Variants in FANCC observed in about 807,000 individuals in gnomAD.
The protein encoded by FANCC is Fanconi anemia group C protein.
Under a neutral mutation model 71.3 loss-of-function variants are expected in FANCC, and 55 were observed. The ratio of observed to expected loss-of-function variants is 0.77; its 90% confidence interval spans 0.62 to 0.97. The LOEUF (loss-of-function observed/expected upper bound fraction) is 0.97. Ranked by LOEUF, FANCC falls within the 50% of genes least tolerant of loss-of-function variation. The probability of loss-of-function intolerance (pLI) is 0.00; values close to 1 mark genes in which losing one functional copy is unlikely to be tolerated. For synonymous variants in FANCC, 275 were observed against 244.9 expected, an observed-to-expected ratio of 1.12 and a Z score of -1.15; for missense variants, 678 against 670.9, an observed-to-expected ratio of 1.01 and a Z score of -0.12.
intron 1 of FANCC, among the ~76,000 whole-genome samples, chr9:95,297,727 G>A (rs992618318): frequency 2.0e-5 from 3 of 152,188 alleles, no homozygotes; most frequent in Admixed American, 6.5e-5. Context: ...TCTCTTTGTA[G>A]AAATATGTAT....
At chr9:95,132,938 T>C (rs923778635) in intron 8 of FANCC, among the ~76,000 whole-genome samples, 2 of 152,202 alleles carry the variant, frequency 1.3e-5, no homozygotes, top group African/African-American at 2.4e-5. Context: ...GTGCTCTATA[T>C]AAAACACAAG....
chr9:95,295,516 G>C (rs887035323), intron 1 of FANCC, among the ~76,000 whole-genome samples: 1 of 152,122 alleles, frequency 6.6e-6, no homozygotes, highest in Non-Finnish European at 1.5e-5. Context: ...GTAATCATCA[G>C]GGAAATACAC....
At chr9:95,127,971 T>A (rs958386834) in intron 8 of FANCC, among the ~76,000 whole-genome samples, 1 of 152,246 alleles carries the variant, frequency 6.6e-6, no homozygotes, top group African/African-American at 2.4e-5. Context: ...TGCTCCCTCA[T>A]CCTTCACTGA....
At chr9:95,255,910 G>A (rs988380083) in intron 1 of FANCC, among the ~76,000 whole-genome samples, 3 of 151,406 alleles carry the variant, frequency 2.0e-5, no homozygotes, top group South Asian at 2.1e-4. Flanking sequence ...TAGTTGAATC[G>A]ATCAAGCAGA....
chr9:95,250,776 C>T (rs1451860024), intron 1 of FANCC, among the ~76,000 whole-genome samples: 1 of 152,256 alleles, frequency 6.6e-6, no homozygotes, highest in Non-Finnish European at 1.5e-5. Context: ...CAGCCTAGCC[C>T]TGGAGTGTTG....
chr9:95,201,393 C>T (rs1827796116), intron 4 of FANCC, among the ~76,000 whole-genome samples: 1 of 151,932 alleles, frequency 6.6e-6, no homozygotes, highest in Admixed American at 6.6e-5. Flanking sequence ...TGTTCCAAGG[C>T]GTGAAGTTCC....
chr9:95,275,705 G>A (rs1188474373), intron 1 of FANCC, among the ~76,000 whole-genome samples: 1 of 152,136 alleles, frequency 6.6e-6, no homozygotes, highest in Non-Finnish European at 1.5e-5. Context: ...TTGGTGGCAG[G>A]AATAGGAGGA....
chr9:95,101,313 T>C lies in FANCC; in HGVS notation c.*394A>G, dbSNP rs143389232. On this transcript the variant is annotated 3_prime_UTR_variant, in exon 15 of 15. Transcript: ENST00000289081. ...AGAGCTAAGTTCTCTCTAAATTCTT[T>C]AATGGTTCATGACCAAATTCTTGGT... is the stretch of plus-strand genomic sequence containing the variant. The C allele has an allele frequency of 5.9e-6, 2 of 337,840 alleles. No individual in the cohort carries two copies. The highest frequency in any genetic ancestry group is 4.1e-5 in the African/African-American group (2 of 49,322). The allele number at this position is 337,840 out of a possible 1,614,324, so 20.9% of individuals were successfully genotyped here. A position where few individuals can be genotyped will look rare whatever the true frequency, so the allele number is the denominator to read the frequency against.
chr9:95,242,000 A>G (rs942350816), intron 3 of FANCC, among the ~76,000 whole-genome samples: 6 of 152,224 alleles, frequency 3.9e-5, no homozygotes, highest in Non-Finnish European at 8.8e-5. Context: ...CAAAGAAATA[A>G]GAACAATACC....
chr9:95,125,288 A>G, intron 9 of FANCC, 103 bp from the exon 10 acceptor site: 2 of 893,870 alleles, frequency 2.2e-6, no homozygotes. Context: ...TTTTTGTGCC[A>G]TAAGCTTCAG....
At chr9:95,276,931 A>G (rs1211594309) in intron 1 of FANCC, among the ~76,000 whole-genome samples, 1 of 152,220 alleles carries the variant, frequency 6.6e-6, no homozygotes, top group African/African-American at 2.4e-5. Flanking sequence ...GCTCTAGTAC[A>G]TTGAATTTGG....
At chr9:95,230,535 T>C (rs964703986) in intron 4 of FANCC, among the ~76,000 whole-genome samples, 2 of 152,156 alleles carry the variant, frequency 1.3e-5, no homozygotes, top group African/African-American at 4.8e-5. Flanking sequence ...TTCTTAAAGA[T>C]GGTGTGTCCA....
intron 4 of FANCC, among the ~76,000 whole-genome samples, chr9:95,216,099 T>G (rs4647456): frequency 6.6e-6 from 1 of 152,062 alleles, no homozygotes; most frequent in Non-Finnish European, 1.5e-5. Flanking sequence ...ACGCTACCTA[T>G]GAAAAACCCA....
intron 4 of FANCC, among the ~76,000 whole-genome samples, chr9:95,234,752 G>A (rs994637878): frequency 2.0e-5 from 3 of 152,186 alleles, no homozygotes; most frequent in African/African-American, 7.2e-5. Flanking sequence ...ACACAAGAGA[G>A]CAAATGCCCA....
rs1233898055 is a variant in FANCC, at chr9:95,099,217, A to G, written c.*2490T>C. The G allele has an allele frequency of 4.6e-6, 1 of 216,972 alleles. No homozygotes were observed. Among genetic ancestry groups the G allele is most frequent in the Non-Finnish European group, 9.3e-6 (1 of 107,994 alleles). 13.4% of individuals were successfully genotyped at this position (216,972 alleles called of 1,614,324 possible). Reference sequence around the variant, plus strand: ...TGTATTTTTGGCTCTCTCTGAGGGTAGTGGTTTTACCAGCATGCTTTATCA... The same window carrying G: ...TGTATTTTTGGCTCTCTCTGAGGGTGGTGGTTTTACCAGCATGCTTTATCA... On this transcript the variant is annotated 3_prime_UTR_variant, in exon 15 of 15. Coordinates refer to ENST00000289081, the MANE Select transcript of FANCC (RefSeq NM_000136.3).
intron 14 of FANCC, among the ~76,000 whole-genome samples, chr9:95,106,826 G>C (rs757089285): frequency 4.6e-5 from 7 of 152,286 alleles, no homozygotes; most frequent in Non-Finnish European, 8.8e-5. Context: ...GCAGCAAGCC[G>C]TGGGCCCAGG....
intron 10 of FANCC, among the ~76,000 whole-genome samples, chr9:95,121,951 G>A (rs535753173): frequency 1.1e-3 from 173 of 150,734 alleles, no homozygotes; most frequent in African/African-American, 3.9e-3. Flanking sequence ...TCCGCCTCCC[G>A]GGTTCATGCC....
intron 8 of FANCC, 96 bp from the exon 9 acceptor site, chr9:95,126,677 T>C (rs1826026140): frequency 2.3e-6 from 3 of 1,292,490 alleles, no homozygotes; most frequent in South Asian, 1.2e-5. Context: ...GAACTGCTGA[T>C]GTCCAGAAAA....
At chr9:95,245,111 T>G (rs1830883959) in intron 3 of FANCC, among the ~76,000 whole-genome samples, 1 of 152,206 alleles carries the variant, frequency 6.6e-6, no homozygotes, top group Non-Finnish European at 1.5e-5. Context: ...GACGTAATAT[T>G]TCTTTCTTTC....
Sources: gnomAD v4.1 joint callset for allele counts (sites outside exome capture counted in the v4.1 genomes callset) on GRCh38, gnomAD v4.1.1 for gene constraint, MANE v1.5 for transcripts, NCBI Gene and HGNC (gene_info 2026-07-23, HGNC 2026-07-21) for gene names.